CHEK2: variants seen among roughly 807,000 people sequenced by gnomAD.
CHEK2 encodes checkpoint kinase 2, also known as serine/threonine-protein kinase Chk2.
CHEK2 carries 71 observed loss-of-function variants against 69.1 expected under a neutral mutation model. The observed-to-expected ratio is 1.03, with a 90% confidence interval of 0.85 to 1.25. The LOEUF is 1.25. CHEK2 is among the 50% of genes most tolerant of loss of function. The pLI, the probability that CHEK2 is intolerant of heterozygous loss-of-function variation, is 0.00. For synonymous variants in CHEK2, 189 were observed against 226.9 expected (o/e 0.83, Z 1.50); for missense variants, 664 against 649.6 (o/e 1.02, Z -0.24).
chr22:28,708,039 C>T (rs1014929596), intron 7 of CHEK2, among the ~76,000 whole-genome samples: 1 of 151,990 alleles, frequency 6.6e-6, no homozygotes, highest in Admixed American at 6.6e-5. Context: ...CGGGATTTCA[C>T]CGTGTTAGCC....
At chr22:28,701,785 G>A (rs138623592) in intron 8 of CHEK2, among the ~76,000 whole-genome samples, 4 of 152,218 alleles carry the variant, frequency 2.6e-5, no homozygotes, top group South Asian at 4.1e-4. Flanking sequence ...GAAAGGACCC[G>A]CATAGAAAGT....
At chr22:28,718,227 C>G (rs2145995569) in intron 5 of CHEK2, among the ~76,000 whole-genome samples, 1 of 152,288 alleles carries the variant, frequency 6.6e-6, no homozygotes, top group Non-Finnish European at 1.5e-5. Flanking sequence ...ACCACAATGA[C>G]ATCACCTGAA....
At chr22:28,702,395 C>T (rs1257333591) in intron 8 of CHEK2, among the ~76,000 whole-genome samples, 4 of 151,594 alleles carry the variant, frequency 2.6e-5, no homozygotes, top group Non-Finnish European at 2.9e-5. Flanking sequence ...CCCACCACCA[C>T]ACCCAGCTAA....
intron 4 of CHEK2, chr22:28,724,760 T>G: frequency 1.7e-6 from 1 of 573,446 alleles, no homozygotes. Flanking sequence ...GAGACAGGGT[T>G]TCTCCATGTG....
intron 5 of CHEK2, among the ~76,000 whole-genome samples, chr22:28,713,201 CTATTCACCTTCCGACGGACATTTATTT>C (rs2053465311): frequency 6.6e-6 from 1 of 152,202 alleles, no homozygotes; most frequent in Admixed American, 6.5e-5. Flanking sequence ...CACAGTTTAT[CTATTCACCTTCCGACGGACATTTATTT>C]GGTTTGTTTC....
intron 11 of CHEK2, among the ~76,000 whole-genome samples, 200 bp downstream of exon 11, chr22:28,695,510 A>G (rs534342752): frequency 6.6e-6 from 1 of 152,238 alleles, no homozygotes; most frequent in South Asian, 2.1e-4. Context: ...TAGAAAAATT[A>G]GCTGGGCATG....
At chr22:28,690,284 G>T (rs536253600) in intron 13 of CHEK2, among the ~76,000 whole-genome samples, 1 of 152,224 alleles carries the variant, frequency 6.6e-6, no homozygotes, top group African/African-American at 2.4e-5. Context: ...TTGAGGCCAG[G>T]AATTTGAGAC....
intron 7 of CHEK2, among the ~76,000 whole-genome samples, chr22:28,704,121 G>GACACACACACACAC (rs10565000): frequency 4.9e-5 from 7 of 143,032 alleles, no homozygotes; most frequent in African/African-American, 1.8e-4. Flanking sequence ...GAGACAGACA[G>GACACACACACACAC]ACACACACAC....
intron 2 of CHEK2, among the ~76,000 whole-genome samples, chr22:28,730,815 G>C (rs1345253641): frequency 6.6e-6 from 1 of 152,140 alleles, no homozygotes; most frequent in Non-Finnish European, 1.5e-5. Flanking sequence ...CCGAGATCAT[G>C]ACATTGCAAT....
chr22:28,716,035 T>G (rs1289583108), intron 5 of CHEK2, among the ~76,000 whole-genome samples: 1 of 151,718 alleles, frequency 6.6e-6, no homozygotes, highest in Non-Finnish European at 1.5e-5. Context: ...TCAGCTAACT[T>G]TTTCTATTTT....
intron 5 of CHEK2, among the ~76,000 whole-genome samples, chr22:28,715,869 T>C (rs1229235233): frequency 6.6e-6 from 1 of 151,740 alleles, no homozygotes; most frequent in African/African-American, 2.4e-5. Context: ...TCTTCTTTTT[T>C]TTTTTTTTCC....
intron 9 of CHEK2, among the ~76,000 whole-genome samples, chr22:28,698,769 C>T (rs1054328122): frequency 3.3e-5 from 5 of 152,256 alleles, no homozygotes; most frequent in African/African-American, 1.2e-4. Context: ...CATTCCCTGC[C>T]GGCCCGCCCA....
In CHEK2 at chr22:28,696,738, C is replaced by T. The variant is rs117188004; in HGVS notation, c.1095+163G>A. On this transcript the variant is annotated intron_variant, in intron 10 of 14. Transcript: ENST00000404276. ...CAACAGAGCTCAATAAATGCTCATT[C>T]GAATCTGGATAAGAGCAGTATCACC... is the stretch of plus-strand genomic sequence containing the variant. Among the ~76,000 whole-genome samples, 3,591 of 152,212 alleles carry T rather than the reference C, an allele frequency of 0.024. 55 individuals carry two copies. Among genetic ancestry groups the T allele is most frequent in the Admixed American group, 0.037 (568 of 15,276 alleles).
intron 10 of CHEK2, among the ~76,000 whole-genome samples, chr22:28,696,240 G>T (rs2052579955): frequency 6.6e-6 from 1 of 152,174 alleles, no homozygotes; most frequent in African/African-American, 2.4e-5. Flanking sequence ...GGGGAGCTTG[G>T]AAACACATGC....
chr22:28,705,961 T>TAACTAA (rs1569131794), intron 7 of CHEK2, among the ~76,000 whole-genome samples: 1 of 118,116 alleles, frequency 8.5e-6, no homozygotes, highest in African/African-American at 3.1e-5. Flanking sequence ...TAAACTAAAC[T>TAACTAA]AAACTAAAAA....
At chr22:28,713,927 C>A (rs932933782) in intron 5 of CHEK2, among the ~76,000 whole-genome samples, 1 of 152,088 alleles carries the variant, frequency 6.6e-6, no homozygotes, top group Non-Finnish European at 1.5e-5. Flanking sequence ...GTTATCTACC[C>A]ACCTCAGCCT....
intron 1 of CHEK2, among the ~76,000 whole-genome samples, chr22:28,741,287 G>A (rs1350747632): frequency 1.4e-5 from 2 of 142,912 alleles, no homozygotes; most frequent in Admixed American, 1.4e-4. Flanking sequence ...GAAAACCTAA[G>A]TCCGAAGGAG....
intron 5 of CHEK2, chr22:28,712,267 C>A (rs1313469180): frequency 4.0e-6 from 2 of 497,704 alleles, no homozygotes; most frequent in Non-Finnish European, 3.6e-6. Context: ...TTACTGTAGC[C>A]CTGGATTGTG....
chr22:28,730,940 A>C (rs550683664), intron 2 of CHEK2, among the ~76,000 whole-genome samples: 1 of 152,330 alleles, frequency 6.6e-6, no homozygotes, highest in East Asian at 1.9e-4. Flanking sequence ...ACTGTGGCTT[A>C]TGCCTGTAAT....
Sources: allele counts gnomAD v4.1 joint callset (sites outside exome capture counted in the v4.1 genomes callset), GRCh38; gene constraint gnomAD v4.1.1; transcripts MANE v1.5; gene names NCBI Gene and HGNC (gene_info 2026-07-23, HGNC 2026-07-21).